The following PDE1C variants were observed in gnomAD, a reference collection of about 807,000 sequenced individuals.
The protein encoded by PDE1C is phosphodiesterase 1C.
A neutral mutation model predicts 93.1 loss-of-function variants in PDE1C; 62 were observed. That is an observed-to-expected ratio of 0.67 (90% CI 0.54 to 0.82). The LOEUF (loss-of-function observed/expected upper bound fraction) is 0.82. Among genes scored for constraint, PDE1C ranks in the 40% least tolerant of loss-of-function variants. The pLI is 0.00. For missense variants in PDE1C, 742 were observed against 884.6 expected (o/e 0.84, Z 2.04); for synonymous variants, 325 against 310.1 (o/e 1.05, Z -0.50).
chr7:31,980,402 A>G (rs1420704870), intron 2 of PDE1C, among the ~76,000 whole-genome samples: 2 of 152,208 alleles, frequency 1.3e-5, no homozygotes, highest in Non-Finnish European at 2.9e-5. Context: ...ACTAATTTTG[A>G]TAAAAGTACT....
chr7:31,901,292 TAGTA>T (rs1377272624), intron 2 of PDE1C, among the ~76,000 whole-genome samples: 5 of 151,676 alleles, frequency 3.3e-5, no homozygotes, highest in African/African-American at 9.7e-5. Flanking sequence ...AAATATTATA[TAGTA>T]AGTGATTACC....
At chr7:31,860,407 G>A (rs766239709) in intron 7 of PDE1C, among the ~76,000 whole-genome samples, 51 of 152,204 alleles carry the variant, frequency 3.4e-4, no homozygotes, top group Middle Eastern at 6.8e-3. Flanking sequence ...CTAACCAACA[G>A]TTAATATTAT....
rs182691946 is a variant in PDE1C at position 31,905,554 on chromosome 7, G to A, written c.129-24694C>T. On this transcript the variant is annotated intron_variant, in intron 2 of 17. Coordinates refer to ENST00000396191, the MANE Select transcript of PDE1C (RefSeq NM_001191057.4). ...CAATGGAAACTATACAATTTAATGT[G>A]CACAAATTTTTATCTTCTTTTAAAG... Among the ~76,000 whole-genome samples the A allele has an allele frequency of 9.8e-4, 149 of 152,218 alleles. 2 individuals are homozygous for A. Among genetic ancestry groups the A allele is most frequent in the Admixed American group, 1.3e-3 (20 of 15,284 alleles).
intron 2 of PDE1C, among the ~76,000 whole-genome samples, chr7:31,987,266 T>A (rs1783534440): frequency 6.6e-6 from 1 of 152,188 alleles, no homozygotes; most frequent in Non-Finnish European, 1.5e-5. Flanking sequence ...AAACAAACGA[T>A]TCTTGAGGAA....
the PDE1C span, among the ~76,000 whole-genome samples, chr7:31,632,309 G>A: frequency 3.3e-5 from 5 of 152,056 alleles, no homozygotes; most frequent in South Asian, 2.1e-4. Context: ...TTAGCCAGGC[G>A]TGGTGGCACG....
At chr7:31,816,894 C>T (rs767216479) in intron 14 of PDE1C, among the ~76,000 whole-genome samples, 2 of 152,002 alleles carry the variant, frequency 1.3e-5, no homozygotes, top group Non-Finnish European at 2.9e-5. Flanking sequence ...ATTTCTAATC[C>T]AGTTGATTAT....
chr7:31,625,772 T>TA, the PDE1C span, among the ~76,000 whole-genome samples: 465 of 147,878 alleles, frequency 3.1e-3, no homozygotes, highest in African/African-American at 8.9e-3. Context: ...AAAGTATAAT[T>TA]AAAAAAAAAA....
At chr7:32,066,364 T>C (rs1795405367) in intron 1 of PDE1C, among the ~76,000 whole-genome samples, 1 of 152,204 alleles carries the variant, frequency 6.6e-6, no homozygotes, top group Non-Finnish European at 1.5e-5. Context: ...ATATTAATAA[T>C]GTTACTTTAG....
Position 31,988,178 on chromosome 7 carries a change from C to T in PDE1C, c.128+63376G>A, listed in dbSNP as rs559230923. ...ACCCTCTGCCCTGCTGGGTCAGGCCCCCCAGTGGTGGCAACAACCCCCTGC... is the reference window on the plus strand; with the variant it reads ...ACCCTCTGCCCTGCTGGGTCAGGCCTCCCAGTGGTGGCAACAACCCCCTGC... On this transcript the variant is annotated intron_variant, in intron 2 of 17. Transcript: ENST00000396191. Among the ~76,000 whole-genome samples, 10 of 152,284 alleles carry T rather than the reference C, an allele frequency of 6.6e-5. No individual in the cohort carries two copies. In the South Asian group the frequency reaches 1.9e-3, roughly 28 times the overall value.
At chr7:32,153,892 C>T (rs1801410750) in intron 3 of PDE1C, among the ~76,000 whole-genome samples, 1 of 152,164 alleles carries the variant, frequency 6.6e-6, no homozygotes, top group African/African-American at 2.4e-5. Context: ...TCTTTCCCCC[C>T]ACAACACACA....
chr7:32,297,164 G>A (rs551983706), intron 1 of PDE1C, among the ~76,000 whole-genome samples: 4 of 152,132 alleles, frequency 2.6e-5, no homozygotes, highest in South Asian at 4.1e-4. Flanking sequence ...GATTTGGTAC[G>A]TTTGGAGAAG....
chr7:31,875,864 CAT>C (rs1444757155), intron 5 of PDE1C, among the ~76,000 whole-genome samples: 1 of 119,190 alleles, frequency 8.4e-6, no homozygotes, highest in South Asian at 3.0e-4. Flanking sequence ...CATAATGCAA[CAT>C]GTTTCAAATT....
intron 2 of PDE1C, among the ~76,000 whole-genome samples, chr7:31,954,721 T>G (rs532880520): frequency 6.6e-6 from 1 of 152,324 alleles, no homozygotes; most frequent in African/African-American, 2.4e-5. Context: ...ATTGCGGTTT[T>G]TGCCATTACT....
intron 1 of PDE1C, among the ~76,000 whole-genome samples, chr7:32,262,005 ATTTTTTTT>A (rs11325736): frequency 2.2e-4 from 20 of 89,778 alleles, no homozygotes; most frequent in Non-Finnish European, 4.3e-4. Context: ...TTGCTTTGGG[ATTTTTTTT>A]TTTTTTTTTT....
At chr7:32,086,663 A>C (rs1489161355) in intron 3 of PDE1C, among the ~76,000 whole-genome samples, 1 of 152,232 alleles carries the variant, frequency 6.6e-6, no homozygotes, top group Non-Finnish European at 1.5e-5. Context: ...AGAGATATAG[A>C]TCAATGGAAC....
chr7:31,793,323 A>T (rs1292669409), intron 16 of PDE1C, among the ~76,000 whole-genome samples: 5 of 152,056 alleles, frequency 3.3e-5, no homozygotes, highest in Admixed American at 6.6e-5. Flanking sequence ...CAGCCCTCAT[A>T]AGAATTTGCC....
At chr7:31,822,779 T>A (rs559307224) in intron 14 of PDE1C, among the ~76,000 whole-genome samples, 1 of 152,092 alleles carries the variant, frequency 6.6e-6, no homozygotes, top group Non-Finnish European at 1.5e-5. Flanking sequence ...AACGACAAGA[T>A]GTTTAGCAGA....
chr7:32,033,630 G>A lies in PDE1C; in HGVS notation c.128+17924C>T, dbSNP rs372315709. Among the ~76,000 whole-genome samples, 13 of 152,006 alleles carry A rather than the reference G, an allele frequency of 8.6e-5. 3 individuals carry two copies. The highest frequency in any genetic ancestry group is 6.6e-5 in the Admixed American group (1 of 15,260). On this transcript the variant is annotated intron_variant, in intron 2 of 17. Transcript: ENST00000396191. ...ACCACTGAGACAAATAGGGGACCCT[G>A]AACTGTCACCTTGAAACTCCACCAG...
chr7:31,995,890 C>G (rs1784655928), intron 2 of PDE1C, among the ~76,000 whole-genome samples: 1 of 152,168 alleles, frequency 6.6e-6, no homozygotes, highest in African/African-American at 2.4e-5. Context: ...TTCCCTCCAT[C>G]TACTTGAAGT....
Sources: gnomAD v4.1 joint callset for allele counts (sites outside exome capture counted in the v4.1 genomes callset) on GRCh38, gnomAD v4.1.1 for gene constraint, MANE v1.5 for transcripts, NCBI Gene and HGNC (gene_info 2026-07-23, HGNC 2026-07-21) for gene names.